The following LHFPL4 variants were observed in gnomAD, a reference collection of about 807,000 sequenced individuals.
The protein encoded by LHFPL4 is LHFPL tetraspan subfamily member 4.
Under a neutral mutation model 20.0 loss-of-function variants are expected in LHFPL4, and 6 were observed. That is an observed-to-expected ratio of 0.30 (90% CI 0.16 to 0.59). The LOEUF (loss-of-function observed/expected upper bound fraction) is 0.59, where lower values mean the gene tolerates loss of function less well. Ranked by LOEUF, LHFPL4 falls within the 20% of genes least tolerant of loss-of-function variation. The pLI is 0.88. For synonymous variants in LHFPL4, 129 were observed against 143.8 expected (o/e 0.90, Z 0.74); for missense variants, 215 against 331.2 (o/e 0.65, Z 2.72).
intron 2 of LHFPL4, among the ~76,000 whole-genome samples, chr3:9,532,182 C>T (rs1411121784): frequency 6.6e-6 from 1 of 152,026 alleles, no homozygotes; most frequent in Non-Finnish European, 1.5e-5. Context: ...TGCACCACTA[C>T]ACCCAGCTAA....
chr3:9,552,845 C>A lies in LHFPL4; in HGVS notation c.-166G>T. 1 of 199,044 alleles carries A rather than the reference C, an allele frequency of 5.0e-6. No individual in the cohort carries two copies. Among genetic ancestry groups the A allele is most frequent in the Non-Finnish European group, 9.3e-6 (1 of 107,976 alleles). The allele number at this position is 199,044 out of a possible 1,614,324, so 12.3% of individuals were successfully genotyped here. A position where few individuals can be genotyped will look rare whatever the true frequency, so the allele number is the denominator to read the frequency against. ...GGGCAGAGCTGGGGGCGTCTGGGAG[C>A]TGCTAAGGGAGAGAGGAAGGGGTCA... On this transcript the variant is annotated splice_region_variant and 5_prime_UTR_variant, in exon 2 of 4. Coordinates refer to ENST00000287585, the MANE Select transcript of LHFPL4 (RefSeq NM_198560.3).
intron 2 of LHFPL4, among the ~76,000 whole-genome samples, chr3:9,519,560 T>C (rs1260590513): frequency 6.6e-6 from 1 of 152,172 alleles, no homozygotes; most frequent in Admixed American, 6.5e-5. Flanking sequence ...TTCTCTCTCG[T>C]TCTTTCTCTC....
intron 2 of LHFPL4, among the ~76,000 whole-genome samples, chr3:9,528,238 C>T (rs762975641): frequency 6.6e-5 from 10 of 152,166 alleles, no homozygotes; most frequent in Non-Finnish European, 1.5e-4. Context: ...ACATTGGAAT[C>T]AATCCTCTTA....
chr3:9,513,896 G>A (rs935387306), intron 2 of LHFPL4, among the ~76,000 whole-genome samples: 2 of 152,114 alleles, frequency 1.3e-5, no homozygotes, highest in African/African-American at 4.8e-5. Flanking sequence ...AGGGTGGCAC[G>A]TGCACTCTTG....
intron 2 of LHFPL4, among the ~76,000 whole-genome samples, chr3:9,507,359 T>C (rs2046225843): frequency 1.3e-5 from 2 of 152,192 alleles, no homozygotes; most frequent in South Asian, 4.1e-4. Context: ...AGCTATTTTC[T>C]AGATATGCCA....
Position 9,511,129 on chromosome 3 carries a change from A to C in LHFPL4, c.407-4926T>G, listed in dbSNP as rs536066772. ...GACTTTGGGAGGCCGAGGCAGGTGG[A>C]TCACGAGGTCAGGAGTTCGAGACCA... On this transcript the variant is annotated intron_variant, in intron 2 of 3. Transcript: ENST00000287585. Among the ~76,000 whole-genome samples the C allele has an allele frequency of 3.3e-5, 5 of 151,968 alleles. No individual in the cohort carries two copies. The South Asian group carries it at 8.3e-4, about 25-fold the overall frequency.
Position 9,501,889 on chromosome 3 carries a change from C to T in LHFPL4, c.*322G>A, listed in dbSNP as rs1226541171. 6 of 297,690 alleles carry T rather than the reference C, an allele frequency of 2.0e-5. No individual in the cohort carries two copies. Among genetic ancestry groups the T allele is most frequent in the South Asian group, 7.2e-5 (1 of 13,872 alleles). The allele number at this position is 297,690 out of a possible 1,614,324, so 18.4% of individuals were successfully genotyped here. On this transcript the variant is annotated 3_prime_UTR_variant, in exon 4 of 4. Transcript: ENST00000287585. ...GCCTGGGGAGCTGGAACTACAGCTC[C>T]GCTCTCCCTGGGGATCTGCAGGGAC... is the stretch of plus-strand genomic sequence containing the variant.
At chr3:9,534,140 C>G (rs1456743138) in intron 2 of LHFPL4, among the ~76,000 whole-genome samples, 1 of 151,752 alleles carries the variant, frequency 6.6e-6, no homozygotes, top group African/African-American at 2.4e-5. Flanking sequence ...TCATTTGAAC[C>G]TGGGATGCAG....
intron 3 of LHFPL4, among the ~76,000 whole-genome samples, chr3:9,503,941 G>A (rs571346095): frequency 6.6e-6 from 1 of 152,074 alleles, no homozygotes; most frequent in Non-Finnish European, 1.5e-5. Flanking sequence ...CAGGAGAATC[G>A]CTTAAGCCCA....
At position 9,499,712 on chromosome 3, in the gene LHFPL4, C is replaced by T. The variant is rs2046157030; in HGVS notation, c.*2499G>A. The T allele has an allele frequency of 6.6e-6, 1 of 152,294 alleles. No homozygotes were observed. Among genetic ancestry groups the T allele is most frequent in the Admixed American group, 6.5e-5 (1 of 15,268 alleles). 9.4% of individuals were successfully genotyped at this position (152,294 alleles called of 1,614,324 possible). Reference sequence around the variant, plus strand: ...AGCCTCTGAAAGGTCAGTTCTATCCCCCGCACCAGGGCACAGGTTTGGTGG... The same window carrying T: ...AGCCTCTGAAAGGTCAGTTCTATCCTCCGCACCAGGGCACAGGTTTGGTGG... On this transcript the variant is annotated 3_prime_UTR_variant, in exon 4 of 4. Coordinates refer to ENST00000287585, the MANE Select transcript of LHFPL4 (RefSeq NM_198560.3).
chr3:9,523,817 T>C (rs2046356196), intron 2 of LHFPL4, among the ~76,000 whole-genome samples: 1 of 152,210 alleles, frequency 6.6e-6, no homozygotes, highest in African/African-American at 2.4e-5. Flanking sequence ...GCTTCTAACC[T>C]ATACTGTTTC....
intron 2 of LHFPL4, 144 bp downstream of exon 2, chr3:9,552,130 C>A: frequency 9.5e-7 from 1 of 1,049,628 alleles, no homozygotes; most frequent in Non-Finnish European, 1.4e-6. Flanking sequence ...TCCCCAATAC[C>A]CACTGAGGGT....
chr3:9,522,369 G>A (rs903671564), intron 2 of LHFPL4, among the ~76,000 whole-genome samples: 15 of 152,276 alleles, frequency 9.9e-5, no homozygotes, highest in African/African-American at 2.4e-4. Flanking sequence ...ATAAGCGTGC[G>A]TGTGTGTATG....
At chr3:9,516,281 A>G (rs2046300781) in intron 2 of LHFPL4, among the ~76,000 whole-genome samples, 2 of 152,038 alleles carry the variant, frequency 1.3e-5, no homozygotes, top group African/African-American at 2.4e-5. Flanking sequence ...CCATATTATT[A>G]TTATTATTAT....
chr3:9,507,367 C>A (rs1369140045), intron 2 of LHFPL4, among the ~76,000 whole-genome samples: 2 of 152,102 alleles, frequency 1.3e-5, no homozygotes, highest in Non-Finnish European at 2.9e-5. Context: ...TCTAGATATG[C>A]CACACTGAGC....
Position 9,539,895 on chromosome 3 carries a change from C to T in LHFPL4, c.406+12379G>A, listed in dbSNP as rs187379427. Among the ~76,000 whole-genome samples, 15 of 151,886 alleles carry T rather than the reference C, an allele frequency of 9.9e-5. No homozygotes were observed. The East Asian group carries it at 2.7e-3, about 27-fold the overall frequency. ...TCATAATAATAGAAAGGCAAATTAC[C>T]ACAATAAGAGAGTGTTTTCTATCAG... On this transcript the variant is annotated intron_variant, in intron 2 of 3. Coordinates refer to ENST00000287585, the MANE Select transcript of LHFPL4 (RefSeq NM_198560.3).
intron 2 of LHFPL4, among the ~76,000 whole-genome samples, chr3:9,543,727 T>C (rs1220492723): frequency 3.5e-5 from 3 of 85,868 alleles, no homozygotes; most frequent in African/African-American, 5.4e-5. Flanking sequence ...TTTTTGGTTT[T>C]GGTTTTTTTT....
rs926663916 is a variant in LHFPL4, at chr3:9,543,690, C to A, written c.406+8584G>T. ...TATCATAAATGCTTGTTGACTCAGG[C>A]GACTACGTTTTGGGGTGATTTGTTT... On this transcript the variant is annotated intron_variant, in intron 2 of 3. Transcript: ENST00000287585. Among the ~76,000 whole-genome samples, 17 of 149,500 alleles carry A rather than the reference C, an allele frequency of 1.1e-4. 1 individual carries two copies. Among genetic ancestry groups the A allele is most frequent in the African/African-American group, 4.2e-4 (17 of 40,496 alleles).
intron 2 of LHFPL4, among the ~76,000 whole-genome samples, chr3:9,510,563 C>G (rs2046251262): frequency 6.6e-6 from 1 of 152,094 alleles, no homozygotes; most frequent in Non-Finnish European, 1.5e-5. Flanking sequence ...ACTTTCTCTG[C>G]TCCAAGCAGC....
Sources: allele counts gnomAD v4.1 joint callset (sites outside exome capture counted in the v4.1 genomes callset), GRCh38; gene constraint gnomAD v4.1.1; transcripts MANE v1.5; gene names NCBI Gene and HGNC (gene_info 2026-07-23, HGNC 2026-07-21).